ATP2C1: variants seen among roughly 807,000 people sequenced by gnomAD.
ATP2C1 encodes the protein calcium-transporting ATPase type 2C member 1.
A neutral mutation model predicts 120.5 loss-of-function variants in ATP2C1; 31 were observed. The ratio of observed to expected loss-of-function variants is 0.26; its 90% CI spans 0.19 to 0.35. ATP2C1 has a LOEUF of 0.35. Ranked by LOEUF, ATP2C1 falls within the 10% of genes least tolerant of loss-of-function variation. ATP2C1 has a pLI of 1.00. For missense variants in ATP2C1, 731 were observed against 1,107.5 expected, an observed-to-expected ratio of 0.66 and a Z score of 4.83; for synonymous variants, 351 against 358.7, an observed-to-expected ratio of 0.98 and a Z score of 0.24.
chr3:131,009,017 C>A (rs2063217345), intron 26 of ATP2C1, among the ~76,000 whole-genome samples: 1 of 152,180 alleles, frequency 6.6e-6, no homozygotes. Context: ...CTTTGCTCAC[C>A]CAATTTTTTA....
chr3:130,995,355 A>G (rs956448555), intron 22 of ATP2C1, among the ~76,000 whole-genome samples: 3 of 151,896 alleles, frequency 2.0e-5, no homozygotes, highest in African/African-American at 7.3e-5. Context: ...TCGAGGCTGC[A>G]GGTAAGTCAA....
chr3:130,893,931 T>C, upstream of ATP2C1: 1 of 985,682 alleles, frequency 1.0e-6, no homozygotes, highest in Middle Eastern at 5.2e-4. Context: ...CACTTCCGCC[T>C]TCCCAGCCCG....
chr3:130,930,047 T>G, intron 2 of ATP2C1: 1 of 351,232 alleles, frequency 2.8e-6, no homozygotes, highest in South Asian at 2.3e-5. Flanking sequence ...CTGTACTTTG[T>G]CTTGCATGTT....
In ATP2C1 at chr3:130,999,754, AAAT is replaced by A. The variant is rs1377306391; in HGVS notation, c.2629+98_2629+100del. On this transcript the variant is annotated intron_variant, in intron 27 of 27. Transcript: ENST00000510168. ...ATTTTAAAATTCTTTTAAAATAGCA[AAAT>A]AAGTAACTCACTTGATTTGAAAAAG... The A allele has an allele frequency of 8.4e-6, 10 of 1,188,454 alleles. No individual in the cohort carries two copies. The African/African-American group carries it at 1.5e-4, about 18-fold the overall frequency. 73.6% of individuals were successfully genotyped at this position (1,188,454 alleles called of 1,614,324 possible). A position where few individuals can be genotyped will look rare whatever the true frequency, so the allele number is the denominator to read the frequency against.
chr3:130,852,641 G>A (rs930760951), intron 1 of ATP2C1, among the ~76,000 whole-genome samples: 4 of 152,140 alleles, frequency 2.6e-5, no homozygotes, highest in Non-Finnish European at 5.9e-5. Flanking sequence ...GCCAACTACA[G>A]CTCTGCAGAC....
At chr3:131,000,324 T>G (rs2062825595) in intron 27 of ATP2C1, among the ~76,000 whole-genome samples, 1 of 152,204 alleles carries the variant, frequency 6.6e-6, no homozygotes, top group African/African-American at 2.4e-5. Context: ...AAGTTAAAAT[T>G]TACCTTAAAA....
chr3:130,989,278 CA>C (rs1296686385), intron 20 of ATP2C1, among the ~76,000 whole-genome samples: 1 of 134,772 alleles, frequency 7.4e-6, no homozygotes, highest in African/African-American at 2.7e-5. Flanking sequence ...AACAAACACA[CA>C]AAAAAACGGC....
At chr3:130,870,302 A>G (rs1299089487) in intron 1 of ATP2C1, among the ~76,000 whole-genome samples, 1 of 152,252 alleles carries the variant, frequency 6.6e-6, no homozygotes, top group East Asian at 1.9e-4. Context: ...TCCATGGATC[A>G]AGGAAGAATT....
chr3:130,946,871 A>G (rs2060174641), intron 8 of ATP2C1, among the ~76,000 whole-genome samples: 1 of 152,254 alleles, frequency 6.6e-6, no homozygotes, highest in Non-Finnish European at 1.5e-5. Context: ...TCAGTCTGTT[A>G]TGAAACCATT....
At chr3:130,892,009 T>C (rs2107874875), upstream of ATP2C1, among the ~76,000 whole-genome samples, 1 of 152,272 alleles carries the variant, frequency 6.6e-6, no homozygotes, top group Non-Finnish European at 1.5e-5. Context: ...GGCTTAGTAA[T>C]AGGAACAATG....
At chr3:130,880,814 C>G (rs1239279911) in intron 1 of ATP2C1, among the ~76,000 whole-genome samples, 8 of 152,134 alleles carry the variant, frequency 5.3e-5, no homozygotes, top group Non-Finnish European at 1.2e-4. Context: ...CCTCATAAAG[C>G]CTTGGGGCTG....
At chr3:130,863,750 G>A (rs2107730849) in intron 1 of ATP2C1, among the ~76,000 whole-genome samples, 1 of 152,286 alleles carries the variant, frequency 6.6e-6, no homozygotes, top group East Asian at 1.9e-4. Flanking sequence ...CATGAGATCT[G>A]ATGGGTTTAT....
At chr3:130,854,943 T>C (rs852211) in intron 1 of ATP2C1, among the ~76,000 whole-genome samples, 83,214 of 152,020 alleles carry the variant, frequency 0.55, 23,393 homozygotes, top group Non-Finnish European at 0.62. Flanking sequence ...CCAAAGAGAA[T>C]TCCACAAGCT....
chr3:130,992,241 T>G (rs1577020866), intron 20 of ATP2C1, among the ~76,000 whole-genome samples: 1 of 152,160 alleles, frequency 6.6e-6, no homozygotes, highest in South Asian at 2.1e-4. Context: ...TGGTAGTGTT[T>G]TGTGGAAACA....
At chr3:130,950,137 A>G (rs1175169077) in intron 8 of ATP2C1, among the ~76,000 whole-genome samples, 2 of 152,102 alleles carry the variant, frequency 1.3e-5, no homozygotes, top group Non-Finnish European at 2.9e-5. Flanking sequence ...TTTTATGGGA[A>G]TAATAATCTT....
intron 1 of ATP2C1, among the ~76,000 whole-genome samples, chr3:130,887,708 G>A (rs1576595676): frequency 1.3e-5 from 2 of 152,140 alleles, no homozygotes; most frequent in Admixed American, 1.3e-4. Flanking sequence ...GCCAGGCTTG[G>A]ACATACCCTT....
Position 130,911,716 on chromosome 3 carries a change from A to G in ATP2C1, c.6+16941A>G, listed in dbSNP as rs1459261320. Among the ~76,000 whole-genome samples, 4 of 152,166 alleles carry G rather than the reference A, an allele frequency of 2.6e-5. No individual in the cohort carries two copies. In the East Asian group the frequency reaches 7.7e-4, roughly 29 times the overall value. On this transcript the variant is annotated intron_variant, in intron 2 of 27. Transcript: ENST00000510168. Reference sequence around the variant, plus strand: ...GATTCAGTGCCATCCCCATCAAGCTACCGATGACTTTCTTCACAGAATTGG... The same window carrying G: ...GATTCAGTGCCATCCCCATCAAGCTGCCGATGACTTTCTTCACAGAATTGG...
intron 2 of ATP2C1, among the ~76,000 whole-genome samples, chr3:130,915,341 G>A (rs971124113): frequency 3.3e-5 from 5 of 152,050 alleles, no homozygotes; most frequent in Admixed American, 6.6e-5. Flanking sequence ...TGATCCACCC[G>A]CCTCAGACTC....
intron 19 of ATP2C1, 39 bp downstream of exon 19, chr3:130,979,458 T>G: frequency 6.3e-7 from 1 of 1,599,304 alleles, no homozygotes; most frequent in Non-Finnish European, 8.6e-7. Flanking sequence ...CGATAGTTTT[T>G]CTTAAAATAC....
Sources: gnomAD v4.1 joint callset for allele counts (sites outside exome capture counted in the v4.1 genomes callset) on GRCh38, gnomAD v4.1.1 for gene constraint, MANE v1.5 for transcripts, NCBI Gene and HGNC (gene_info 2026-07-23, HGNC 2026-07-21) for gene names.